The following SDK1 variants were observed in gnomAD, a reference collection of about 807,000 sequenced individuals.
SDK1 encodes sidekick cell adhesion molecule 1, also known as protein sidekick-1.
A neutral mutation model predicts 245.5 loss-of-function variants in SDK1; 157 were observed. That is an observed-to-expected ratio of 0.64 (90% confidence interval 0.56 to 0.73). The LOEUF is 0.73. SDK1 is among the 30% of genes least tolerant of loss of function. The pLI is 0.00. For missense variants in SDK1, 3,583 were observed against 3,002.3 expected (o/e 1.19, Z -4.52); for synonymous variants, 1,647 against 1,278.5 (o/e 1.29, Z -6.15).
chr7:3,775,280 C>T (rs1445886747), intron 4 of SDK1, among the ~76,000 whole-genome samples: 2 of 152,094 alleles, frequency 1.3e-5, no homozygotes, highest in Non-Finnish European at 2.9e-5. Flanking sequence ...TTAAGTTGGA[C>T]CATATGTAAT....
At chr7:3,967,491 G>A (rs1782170149) in intron 10 of SDK1, 57 bp downstream of exon 10, 1 of 1,013,648 alleles carries the variant, frequency 9.9e-7, no homozygotes, top group Admixed American at 1.8e-5. Context: ...AACCTATCGG[G>A]CCAGTGCTTG....
intron 1 of SDK1, among the ~76,000 whole-genome samples, chr7:3,516,062 G>T (rs945397738): frequency 2.0e-5 from 3 of 150,968 alleles, no homozygotes; most frequent in African/African-American, 7.3e-5. Context: ...AGTTGAAAAT[G>T]TAAGAAAATT....
At chr7:4,056,604 C>T (rs1405901075) in intron 19 of SDK1, among the ~76,000 whole-genome samples, 1 of 152,150 alleles carries the variant, frequency 6.6e-6, no homozygotes, top group Non-Finnish European at 1.5e-5. Flanking sequence ...CACATTCCCA[C>T]CACAGACTCC....
At chr7:3,882,754 A>G (rs1269521593) in intron 5 of SDK1, among the ~76,000 whole-genome samples, 1 of 152,030 alleles carries the variant, frequency 6.6e-6, no homozygotes, top group Non-Finnish European at 1.5e-5. Flanking sequence ...CCAACTTGGC[A>G]GGGTCTCTCC....
chr7:3,511,032 C>T (rs1399094331), intron 1 of SDK1, among the ~76,000 whole-genome samples: 1 of 152,148 alleles, frequency 6.6e-6, no homozygotes, highest in Non-Finnish European at 1.5e-5. Flanking sequence ...AAAATGGAGG[C>T]TGTCACAGCA....
intron 5 of SDK1, among the ~76,000 whole-genome samples, chr7:3,944,816 A>G (rs554205741): frequency 1.3e-5 from 2 of 152,316 alleles, no homozygotes; most frequent in Admixed American, 1.3e-4. Flanking sequence ...GATGAGAACA[A>G]ACACCCAGAA....
intron 17 of SDK1, among the ~76,000 whole-genome samples, chr7:4,030,682 A>T (rs748123125): frequency 6.6e-6 from 1 of 152,194 alleles, no homozygotes; most frequent in Non-Finnish European, 1.5e-5. Context: ...AATTTCATAT[A>T]ACAAAACCAT....
At chr7:3,329,338 T>A (rs1452359305) in intron 1 of SDK1, among the ~76,000 whole-genome samples, 3 of 152,136 alleles carry the variant, frequency 2.0e-5, no homozygotes, top group Admixed American at 6.5e-5. Flanking sequence ...AAGCTCCTTT[T>A]TCACATACTT....
intron 1 of SDK1, among the ~76,000 whole-genome samples, chr7:3,570,915 A>G (rs924793289): frequency 6.6e-6 from 1 of 152,080 alleles, no homozygotes; most frequent in Non-Finnish European, 1.5e-5. Flanking sequence ...TCTTTAATCC[A>G]GGGTGATTTA....
At chr7:3,953,681 A>G (rs1781010924) in intron 7 of SDK1, among the ~76,000 whole-genome samples, 1 of 152,248 alleles carries the variant, frequency 6.6e-6, no homozygotes, top group African/African-American at 2.4e-5. Flanking sequence ...TTCGATCATC[A>G]TTCCTTTTTA....
intron 5 of SDK1, among the ~76,000 whole-genome samples, chr7:3,902,281 C>A (rs2128105736): frequency 6.6e-6 from 1 of 152,306 alleles, no homozygotes; most frequent in African/African-American, 2.4e-5. Context: ...TTCTTCCTCT[C>A]CTCCCATTCC....
At position 3,408,252 on chromosome 7, in the gene SDK1, C is replaced by T. The variant is rs555022633; in HGVS notation, c.298+106368C>T. 5.3e-5 allele frequency among the ~76,000 whole-genome samples: 8 copies of T among 152,044 alleles called. No individual in the cohort carries two copies. The South Asian group carries it at 8.3e-4, about 16-fold the overall frequency. The stretch of plus-strand genomic sequence containing the variant: ...AGAGATGGGGTTTCACTATGTTGGC[C>T]AGGTTGATCTTGAACTCCTGACCTC... On this transcript the variant is annotated intron_variant, in intron 1 of 44. Transcript: ENST00000404826.
At chr7:4,091,396 G>A (rs1372351954) in intron 22 of SDK1, among the ~76,000 whole-genome samples, 1 of 138,710 alleles carries the variant, frequency 7.2e-6, no homozygotes, top group Non-Finnish European at 1.5e-5. Flanking sequence ...AGGCTGGAGT[G>A]CAGCATCAGG....
At chr7:3,330,590 G>A (rs777993353) in intron 1 of SDK1, among the ~76,000 whole-genome samples, 2 of 152,078 alleles carry the variant, frequency 1.3e-5, no homozygotes, top group Non-Finnish European at 2.9e-5. Flanking sequence ...TCATGATACA[G>A]CAGGAAGGCC....
chr7:4,188,112 G>T (rs763703419), intron 35 of SDK1, among the ~76,000 whole-genome samples: 1 of 152,184 alleles, frequency 6.6e-6, no homozygotes, highest in Non-Finnish European at 1.5e-5. Context: ...GGCCTCTTCC[G>T]CAACATGTGA....
intron 16 of SDK1, among the ~76,000 whole-genome samples, chr7:4,013,972 C>T (rs774442766): frequency 4.6e-5 from 7 of 152,240 alleles, no homozygotes; most frequent in Non-Finnish European, 7.3e-5. Flanking sequence ...AAAACAGCCC[C>T]GTGTCCCCGC....
rs139540390 is a variant in SDK1 at position 3,821,497 on chromosome 7, G to T, written c.761G>T (p.Ser254Ile). The change falls in exon 5 of 45, where the codon AGT (serine) becomes ATT (isoleucine). Residue 254 changes from serine to isoleucine, a missense_variant. Physicochemically the swap from Ser to Ile is moderately radical, Grantham distance 142. Coordinates refer to ENST00000404826, the MANE Select transcript of SDK1 (RefSeq NM_152744.4). ...CTGGTGATCCTCGCCACCACAACCAGTGATGCCGGGGCATACTACGTGCAG... is the reference window on the plus strand; with the variant it reads ...CTGGTGATCCTCGCCACCACAACCATTGATGCCGGGGCATACTACGTGCAG... ...NQLVILATTT[S>I]DAGAYYVQAV... The T allele has an allele frequency of 9.2e-5, 148 of 1,613,760 alleles. No individual in the cohort carries two copies. The East Asian group carries it at 3.2e-3, about 35-fold the overall frequency.
chr7:3,579,163 G>A (rs977300936), intron 1 of SDK1, among the ~76,000 whole-genome samples: 2 of 151,948 alleles, frequency 1.3e-5, no homozygotes, highest in Non-Finnish European at 2.9e-5. Flanking sequence ...GAGGAGGAGG[G>A]ATTCCTCCCC....
At chr7:3,947,816 A>G (rs1450159671) in intron 5 of SDK1, among the ~76,000 whole-genome samples, 1 of 152,108 alleles carries the variant, frequency 6.6e-6, no homozygotes, top group Non-Finnish European at 1.5e-5. Context: ...TCAATAGATA[A>G]TGTCTAAAAT....
Sources: allele counts gnomAD v4.1 joint callset (sites outside exome capture counted in the v4.1 genomes callset), GRCh38; gene constraint gnomAD v4.1.1; transcripts MANE v1.5; gene names NCBI Gene and HGNC (gene_info 2026-07-23, HGNC 2026-07-21).